The following SLC1A1 variants were observed in gnomAD, a reference collection of about 807,000 sequenced individuals.
The protein encoded by SLC1A1 is solute carrier family 1 member 1.
Under a neutral mutation model 53.3 loss-of-function variants are expected in SLC1A1, and 43 were observed. The observed-to-expected ratio is 0.81, with a 90% CI of 0.63 to 1.04. The LOEUF is 1.04. Among genes scored for constraint, SLC1A1 ranks in the 50% least tolerant of loss-of-function variants. The pLI is 0.00. For missense variants in SLC1A1, 748 were observed against 664.9 expected, an observed-to-expected ratio of 1.12 and a Z score of -1.37; for synonymous variants, 307 against 243.2, an observed-to-expected ratio of 1.26 and a Z score of -2.44.
At chr9:4,546,219 G>A (rs1370221984) in intron 2 of SLC1A1, among the ~76,000 whole-genome samples, 4 of 152,308 alleles carry the variant, frequency 2.6e-5, no homozygotes, top group Admixed American at 2.6e-4. Context: ...CTCGGCTTAT[G>A]AGAAACCTAA....
At chr9:4,512,451 C>T (rs752616630) in intron 1 of SLC1A1, among the ~76,000 whole-genome samples, 5 of 151,908 alleles carry the variant, frequency 3.3e-5, no homozygotes, top group East Asian at 3.9e-4. Context: ...GAAGCTGCAG[C>T]GAGCCATGAT....
At chr9:4,512,152 T>C (rs1821019724) in intron 1 of SLC1A1, among the ~76,000 whole-genome samples, 1 of 152,204 alleles carries the variant, frequency 6.6e-6, no homozygotes. Context: ...GATGTATAGA[T>C]TTAATGCAAT....
At chr9:4,503,682 C>G (rs894028099) in intron 1 of SLC1A1, among the ~76,000 whole-genome samples, 15 of 151,874 alleles carry the variant, frequency 9.9e-5, no homozygotes, top group African/African-American at 3.6e-4. Context: ...TTACATGGAA[C>G]TATAATTTAA....
chr9:4,578,642 A>C (rs920679143), intron 10 of SLC1A1, among the ~76,000 whole-genome samples: 4 of 152,248 alleles, frequency 2.6e-5, no homozygotes, highest in African/African-American at 9.6e-5. Context: ...GAAGCTGCAG[A>C]GAATTCTAGT....
intron 7 of SLC1A1, among the ~76,000 whole-genome samples, chr9:4,572,990 T>A (rs2129781286): frequency 6.6e-6 from 1 of 152,362 alleles, no homozygotes; most frequent in South Asian, 2.1e-4. Flanking sequence ...GAAGTAATTC[T>A]TTAAAAAATG....
At chr9:4,557,601 C>A (rs1586784382) in intron 2 of SLC1A1, among the ~76,000 whole-genome samples, 1 of 150,694 alleles carries the variant, frequency 6.6e-6, no homozygotes, top group East Asian at 2.0e-4. Context: ...GCCTGGGCAA[C>A]ATAGTGAGAC....
rs1818955869 is a variant in SLC1A1 at position 4,561,668 on chromosome 9, G to T, written c.325+127G>T. 7 of 745,122 alleles carry T rather than the reference G, an allele frequency of 9.4e-6. No homozygotes were observed. In the Admixed American group the frequency reaches 1.2e-4, roughly 13 times the overall value. 46.2% of individuals were successfully genotyped at this position (745,122 alleles called of 1,614,324 possible). A position where few individuals can be genotyped will look rare whatever the true frequency, so the allele number is the denominator to read the frequency against. On this transcript the variant is annotated intron_variant, in intron 3 of 11. Coordinates refer to ENST00000262352, the MANE Select transcript of SLC1A1 (RefSeq NM_004170.6). ...GAAATCTGGGAGGCTGATGTGGGCA[G>T]ATCCCTTGAGGTCAGGGGTTTGAGA...
intron 1 of SLC1A1, among the ~76,000 whole-genome samples, chr9:4,499,289 C>T (rs1333218149): frequency 1.3e-5 from 2 of 152,028 alleles, no homozygotes; most frequent in Non-Finnish European, 2.9e-5. Context: ...AGGTGATCCA[C>T]CCACGTTGGC....
chr9:4,545,090 G>A lies in SLC1A1; in HGVS notation c.232+383G>A, dbSNP rs142300663. 7.3e-3 allele frequency among the ~76,000 whole-genome samples: 1,109 copies of A among 152,076 alleles called. 10 individuals carry two copies. Among genetic ancestry groups the A allele is most frequent in the Middle Eastern group, 0.02 (6 of 294 alleles). ...ACAATTCAAGATGAGATTTGGGTGG[G>A]AACACAAAGCCTAACCATGTCATTC... On this transcript the variant is annotated intron_variant, in intron 2 of 11. Transcript: ENST00000262352.
chr9:4,521,163 A>G (rs890209619), intron 1 of SLC1A1, among the ~76,000 whole-genome samples: 1 of 152,238 alleles, frequency 6.6e-6, no homozygotes, highest in Admixed American at 6.5e-5. Flanking sequence ...TATGTATTCT[A>G]GACCCTTACC....
chr9:4,494,697 G>A (rs1335453795), intron 1 of SLC1A1, among the ~76,000 whole-genome samples: 1 of 151,696 alleles, frequency 6.6e-6, no homozygotes, highest in Non-Finnish European at 1.5e-5. Flanking sequence ...TCTGAAGGAA[G>A]GTTTTATGCT....
intron 5 of SLC1A1, 70 bp downstream of exon 5, chr9:4,566,159 G>A (rs2129718259): frequency 1.5e-6 from 2 of 1,356,434 alleles, no homozygotes; most frequent in East Asian, 2.3e-5. Flanking sequence ...GTTTTTTTCT[G>A]CTGTGACTCA....
chr9:4,515,083 C>A (rs1359033181), intron 1 of SLC1A1, among the ~76,000 whole-genome samples: 1 of 151,760 alleles, frequency 6.6e-6, no homozygotes, highest in Admixed American at 6.6e-5. Flanking sequence ...CCCTCTTGCT[C>A]TGGTTTTCCC....
At chr9:4,576,180 A>C (rs571911222) in intron 9 of SLC1A1, 57 bp downstream of exon 9, 614 of 1,538,002 alleles carry the variant, frequency 4.0e-4, no homozygotes, top group African/African-American at 2.7e-3. Context: ...ATCAACTCTC[A>C]CCTCACTTTA....
In SLC1A1 at chr9:4,567,458, G is replaced by A. The variant is rs532756741; in HGVS notation, c.484-211G>A. 7.9e-5 allele frequency among the ~76,000 whole-genome samples: 12 copies of A among 152,192 alleles called. No homozygotes were observed. The South Asian group carries it at 8.3e-4, about 11-fold the overall frequency. ...ATTTTGACATAATTGAATGGTGATC[G>A]TGGGAGTCAGGGGTTTAAATTTCTG... On this transcript the variant is annotated intron_variant, in intron 5 of 11. Transcript: ENST00000262352.
chr9:4,528,865 T>C (rs748298157), intron 1 of SLC1A1, among the ~76,000 whole-genome samples: 1 of 152,096 alleles, frequency 6.6e-6, no homozygotes, highest in Admixed American at 6.5e-5. Context: ...TACACACATA[T>C]CCGTGTCTTC....
intron 7 of SLC1A1, among the ~76,000 whole-genome samples, 170 bp downstream of exon 7, chr9:4,572,558 T>C (rs183005740): frequency 6.6e-6 from 1 of 152,220 alleles, no homozygotes; most frequent in Non-Finnish European, 1.5e-5. Flanking sequence ...TCTTTGTTTT[T>C]GTTTTAGAGG....
rs1821298710 is a variant in SLC1A1 at position 4,583,549 on chromosome 9, C to T, written c.1328+377C>T. Among the ~76,000 whole-genome samples the T allele has an allele frequency of 1.3e-5, 2 of 152,112 alleles. No individual in the cohort carries two copies. Among genetic ancestry groups the T allele is most frequent in the South Asian group, 4.2e-4 (2 of 4,818 alleles). ...AGAACCACCTAGTTCAAAATCAGTC[C>T]GTCTTCCTAAGCATCTTCCGAACCA... On this transcript the variant is annotated intron_variant, in intron 11 of 11. Coordinates refer to ENST00000262352, the MANE Select transcript of SLC1A1 (RefSeq NM_004170.6). The surrounding 1 kb of genome is among the most constrained non-coding windows in gnomAD (Gnocchi z 4.6).
At chr9:4,552,757 T>A (rs1196232308) in intron 2 of SLC1A1, among the ~76,000 whole-genome samples, 1 of 151,674 alleles carries the variant, frequency 6.6e-6, no homozygotes, top group Admixed American at 6.6e-5. Context: ...ACTTAACTTG[T>A]CCTCAGCTTT....
Sources: gnomAD v4.1 joint callset for allele counts (sites outside exome capture counted in the v4.1 genomes callset) on GRCh38, gnomAD v4.1.1 for gene constraint, Gnocchi (gnomAD v3.1) non-coding constraint, MANE v1.5 for transcripts, NCBI Gene and HGNC (gene_info 2026-07-23, HGNC 2026-07-21) for gene names.